NR6A1: variants seen among roughly 807,000 people sequenced by gnomAD.
NR6A1 encodes the protein retinoic acid receptor-related testis-associated receptor.
A neutral mutation model predicts 59.1 loss-of-function variants in NR6A1; 7 were observed. The ratio of observed to expected loss-of-function variants is 0.12; its 90% CI spans 0.07 to 0.22. The LOEUF (loss-of-function observed/expected upper bound fraction) is 0.22, where lower values mean the gene tolerates loss of function less well. Ranked by LOEUF, NR6A1 falls within the 10% of genes least tolerant of loss-of-function variation. NR6A1 has a pLI of 1.00. For missense variants in NR6A1, 468 were observed against 611.6 expected (o/e 0.77, Z 2.48); for synonymous variants, 243 against 236.1 (o/e 1.03, Z -0.27).
chr9:124,573,427 T>A (rs1834502371), intron 2 of NR6A1, among the ~76,000 whole-genome samples: 1 of 152,200 alleles, frequency 6.6e-6, no homozygotes, highest in South Asian at 2.1e-4. Context: ...CTTGAAATCT[T>A]TCACCCTGTA....
intron 2 of NR6A1, among the ~76,000 whole-genome samples, chr9:124,728,879 G>C (rs1045548241): frequency 2.6e-5 from 4 of 152,044 alleles, no homozygotes; most frequent in Admixed American, 6.5e-5. Context: ...CATAAGATTT[G>C]ATTTTCTTAT....
intron 2 of NR6A1, among the ~76,000 whole-genome samples, chr9:124,683,296 T>C (rs1027244974): frequency 6.6e-6 from 1 of 151,998 alleles, no homozygotes; most frequent in Non-Finnish European, 1.5e-5. Flanking sequence ...AGACTTGAAT[T>C]TGGATCTCCT....
chr9:124,735,220 G>GTCC (rs1219222760), intron 1 of NR6A1, among the ~76,000 whole-genome samples: 2 of 152,102 alleles, frequency 1.3e-5, no homozygotes, highest in East Asian at 1.9e-4. Flanking sequence ...CTTTCTGTGA[G>GTCC]TCCTCCTCCT....
intron 2 of NR6A1, among the ~76,000 whole-genome samples, chr9:124,723,274 A>C (rs1212221374): frequency 6.6e-6 from 1 of 152,162 alleles, no homozygotes; most frequent in Non-Finnish European, 1.5e-5. Flanking sequence ...AAAGTGTGTA[A>C]TTCGAGTATC....
At chr9:124,684,691 A>G (rs560471722) in intron 2 of NR6A1, among the ~76,000 whole-genome samples, 2 of 152,336 alleles carry the variant, frequency 1.3e-5, no homozygotes, top group African/African-American at 2.4e-5. Flanking sequence ...ATCTTTGATT[A>G]AAGAAAAGCG....
intron 2 of NR6A1, among the ~76,000 whole-genome samples, chr9:124,718,841 G>GTC (rs1839480199): frequency 8.6e-6 from 1 of 116,264 alleles, no homozygotes; most frequent in African/African-American, 3.3e-5. Context: ...TAAAGACAGG[G>GTC]TCTCGTTCTG....
rs570704744 is a variant in NR6A1, at chr9:124,642,443, A to ATAATT, written c.143-87878_143-87874dup. On this transcript the variant is annotated intron_variant, in intron 2 of 9. Transcript: ENST00000487099. The stretch of plus-strand genomic sequence containing the variant: ...CAAAATAACATATGAAATGCTTAAC[A>ATAATT]TAATTTCTCAACTTCTACACTATTC... Among the ~76,000 whole-genome samples the ATAATT allele has an allele frequency of 6.0e-4, 91 of 152,346 alleles. 1 individual carries two copies. In the South Asian group the frequency reaches 0.018, roughly 30 times the overall value.
intron 2 of NR6A1, among the ~76,000 whole-genome samples, chr9:124,600,208 G>C (rs1835407162): frequency 6.6e-6 from 1 of 152,144 alleles, no homozygotes; most frequent in Non-Finnish European, 1.5e-5. Context: ...AAAAACAAGA[G>C]CCCAAGATCT....
intron 1 of NR6A1, among the ~76,000 whole-genome samples, chr9:124,738,840 T>A (rs1840090874): frequency 6.6e-6 from 1 of 151,736 alleles, no homozygotes; most frequent in Non-Finnish European, 1.5e-5. Flanking sequence ...CCATCTCTAC[T>A]AAAAATACAA....
chr9:124,691,685 G>A (rs990238434), intron 2 of NR6A1, among the ~76,000 whole-genome samples: 1 of 152,168 alleles, frequency 6.6e-6, no homozygotes, highest in African/African-American at 2.4e-5. Context: ...TTTACATTAG[G>A]TGGTGGGTTT....
At chr9:124,663,156 C>T (rs945804077) in intron 2 of NR6A1, among the ~76,000 whole-genome samples, 2 of 152,102 alleles carry the variant, frequency 1.3e-5, no homozygotes, top group African/African-American at 4.8e-5. Flanking sequence ...TGCATCATAG[C>T]CTTCGATTAC....
intron 7 of NR6A1, 149 bp from the exon 8 acceptor site, chr9:124,527,049 G>A: frequency 1.1e-6 from 1 of 946,432 alleles, no homozygotes; most frequent in Non-Finnish European, 1.6e-6. Flanking sequence ...GCAGATCCAT[G>A]CTTTGTCTAC....
chr9:124,641,656 C>T (rs10217141), intron 2 of NR6A1, among the ~76,000 whole-genome samples: 76,455 of 152,054 alleles, frequency 0.5, 19,320 homozygotes, highest in Admixed American at 0.6. Context: ...ATGACTGCTC[C>T]AGCCTGTGCA....
chr9:124,584,233 G>A (rs532113780), intron 2 of NR6A1, among the ~76,000 whole-genome samples: 3 of 151,596 alleles, frequency 2.0e-5, no homozygotes, highest in South Asian at 2.1e-4. Context: ...TCAGCCTCCC[G>A]AGTAGCTGGG....
At chr9:124,546,614 G>A (rs1001132691) in intron 3 of NR6A1, among the ~76,000 whole-genome samples, 1 of 152,190 alleles carries the variant, frequency 6.6e-6, no homozygotes, top group Non-Finnish European at 1.5e-5. Context: ...AAGTTTTAAT[G>A]AGGTGGTAAA....
intron 2 of NR6A1, among the ~76,000 whole-genome samples, chr9:124,584,848 C>A (rs1834876985): frequency 6.6e-6 from 1 of 152,136 alleles, no homozygotes; most frequent in Non-Finnish European, 1.5e-5. Context: ...AGCTAGAAAT[C>A]GTTAAGCTTA....
At chr9:124,647,509 C>T (rs1453632129) in intron 2 of NR6A1, among the ~76,000 whole-genome samples, 1 of 152,014 alleles carries the variant, frequency 6.6e-6, no homozygotes, top group African/African-American at 2.4e-5. Context: ...GGGTGCATCA[C>T]GTGAGGTCAG....
At chr9:124,574,774 G>A (rs1161900562) in intron 2 of NR6A1, among the ~76,000 whole-genome samples, 1 of 152,174 alleles carries the variant, frequency 6.6e-6, no homozygotes, top group Non-Finnish European at 1.5e-5. Context: ...ACTGTGGCTT[G>A]ATGAGTACAG....
At chr9:124,770,002 G>A (rs1046901551) in intron 1 of NR6A1, 1 of 152,348 alleles carries the variant, frequency 6.6e-6, no homozygotes, top group African/African-American at 2.4e-5. Flanking sequence ...GCGAAGGGGA[G>A]GAGGGCGAGG....
Sources: gnomAD v4.1 joint callset for allele counts (sites outside exome capture counted in the v4.1 genomes callset) on GRCh38, gnomAD v4.1.1 for gene constraint, MANE v1.5 for transcripts, NCBI Gene and HGNC (gene_info 2026-07-23, HGNC 2026-07-21) for gene names.